HPSE2: variants seen among roughly 807,000 people sequenced by gnomAD.
HPSE2 encodes heparanase 2 (inactive).
Under a neutral mutation model 60.5 loss-of-function variants are expected in HPSE2, and 38 were observed. The ratio of observed to expected loss-of-function variants is 0.63; its 90% confidence interval spans 0.48 to 0.82. The LOEUF (loss-of-function observed/expected upper bound fraction) is 0.82, where lower values mean the gene tolerates loss of function less well. Among genes scored for constraint, HPSE2 ranks in the 40% least tolerant of loss-of-function variants. The pLI is 0.00. For synonymous variants in HPSE2, 295 were observed against 293.2 expected, an observed-to-expected ratio of 1.01 and a Z score of -0.06; for missense variants, 713 against 740.4, an observed-to-expected ratio of 0.96 and a Z score of 0.43.
At chr10:98,569,580 A>G (rs1270486904) in intron 9 of HPSE2, among the ~76,000 whole-genome samples, 1 of 152,060 alleles carries the variant, frequency 6.6e-6, no homozygotes, top group Admixed American at 6.6e-5. Flanking sequence ...CTCCTCCTCA[A>G]GTACTACTGT....
chr10:98,461,642 C>T (rs998202637), intron 11 of HPSE2: 3 of 677,476 alleles, frequency 4.4e-6, no homozygotes, highest in Non-Finnish European at 7.5e-6. Flanking sequence ...CAGTCAAACA[C>T]GAGTTCAATA....
chr10:99,267,805 A>C, the HPSE2 span, among the ~76,000 whole-genome samples: 2 of 151,944 alleles, frequency 1.3e-5, no homozygotes, highest in Admixed American at 6.6e-5. Context: ...AACAAACAAA[A>C]AAAAACACTA....
chr10:98,979,535 C>G (rs12217511), intron 3 of HPSE2, among the ~76,000 whole-genome samples: 19,629 of 152,086 alleles, frequency 0.13, 1,366 homozygotes, highest in South Asian at 0.21. Context: ...TAAAGGAATA[C>G]TGTATTCAGT....
chr10:98,586,291 T>G (rs1393357574), intron 9 of HPSE2, among the ~76,000 whole-genome samples: 2 of 152,144 alleles, frequency 1.3e-5, no homozygotes, highest in African/African-American at 4.8e-5. Flanking sequence ...TTTTCTATCC[T>G]TGGAGTGCTC....
In HPSE2 at chr10:98,699,139, T is replaced by G. The variant is rs1234080473; in HGVS notation, c.957-5192A>C. 4.6e-5 allele frequency among the ~76,000 whole-genome samples: 7 copies of G among 152,100 alleles called. No homozygotes were observed. The South Asian group carries it at 6.2e-4, about 14-fold the overall frequency. ...AGAGGGAATCCTCCCTAACTCATTT[T>G]ATGAGGCCAGCATCATCCTGATACC... is the stretch of plus-strand genomic sequence containing the variant. On this transcript the variant is annotated intron_variant, in intron 5 of 11. Coordinates refer to ENST00000370552, the MANE Select transcript of HPSE2 (RefSeq NM_021828.5).
At chr10:98,757,580 C>T (rs1459760982) in intron 3 of HPSE2, among the ~76,000 whole-genome samples, 2 of 151,988 alleles carry the variant, frequency 1.3e-5, no homozygotes, top group African/African-American at 4.8e-5. Flanking sequence ...ATTCCATTCA[C>T]CATAGCCATA....
At chr10:98,545,700 T>C (rs1045760348) in intron 9 of HPSE2, among the ~76,000 whole-genome samples, 5 of 152,018 alleles carry the variant, frequency 3.3e-5, no homozygotes, top group Admixed American at 1.3e-4. Context: ...AATATCATAC[T>C]GAATGGGCAA....
intron 3 of HPSE2, among the ~76,000 whole-genome samples, chr10:98,748,173 G>A (rs910769015): frequency 6.6e-6 from 1 of 152,098 alleles, no homozygotes; most frequent in African/African-American, 2.4e-5. Flanking sequence ...GGTGGCACAT[G>A]CCTGTAATCC....
chr10:98,572,593 C>T (rs563428074), intron 9 of HPSE2, among the ~76,000 whole-genome samples: 2 of 152,344 alleles, frequency 1.3e-5, no homozygotes, highest in East Asian at 3.9e-4. Flanking sequence ...TCCCATCTCT[C>T]CACTTTTCTG....
At chr10:98,537,439 A>G (rs1040923198) in intron 9 of HPSE2, among the ~76,000 whole-genome samples, 3 of 152,250 alleles carry the variant, frequency 2.0e-5, no homozygotes, top group African/African-American at 7.2e-5. Flanking sequence ...AATAGTCATA[A>G]TACAAATTAG....
At chr10:99,115,154 T>TA (rs1844632032) in intron 3 of HPSE2, among the ~76,000 whole-genome samples, 2 of 101,312 alleles carry the variant, frequency 2.0e-5, no homozygotes, top group Non-Finnish European at 4.8e-5. Flanking sequence ...CAGCTAAATG[T>TA]GTTTTTTTTT....
chr10:98,885,867 G>C (rs1443418405), intron 3 of HPSE2, among the ~76,000 whole-genome samples: 1 of 151,926 alleles, frequency 6.6e-6, no homozygotes, highest in Non-Finnish European at 1.5e-5. Flanking sequence ...GTATCTCTGA[G>C]GCAGGTCTCC....
the HPSE2 span, among the ~76,000 whole-genome samples, chr10:99,275,972 A>G: frequency 6.6e-6 from 1 of 152,210 alleles, no homozygotes; most frequent in East Asian, 1.9e-4. Context: ...ACATCGTATC[A>G]TGGACATAGA....
At chr10:98,567,819 G>A (rs917519381) in intron 9 of HPSE2, among the ~76,000 whole-genome samples, 6 of 152,074 alleles carry the variant, frequency 3.9e-5, no homozygotes, top group African/African-American at 7.2e-5. Context: ...TCTGACTGGA[G>A]ACAGTAATAA....
chr10:99,267,435 GA>G, the HPSE2 span, among the ~76,000 whole-genome samples: 3 of 151,908 alleles, frequency 2.0e-5, no homozygotes, highest in South Asian at 6.3e-4. Flanking sequence ...CAAACACAAA[GA>G]AAAAAAATTT....
chr10:98,885,442 G>A (rs955910901), intron 3 of HPSE2, among the ~76,000 whole-genome samples: 1 of 152,094 alleles, frequency 6.6e-6, no homozygotes, highest in African/African-American at 2.4e-5. Flanking sequence ...ATTCTACTGT[G>A]GGTAAAATGC....
chr10:98,663,844 C>T (rs1416742133), intron 6 of HPSE2, among the ~76,000 whole-genome samples: 1 of 152,188 alleles, frequency 6.6e-6, no homozygotes, highest in Non-Finnish European at 1.5e-5. Context: ...GTAGTGGTCA[C>T]AGTCATGGTG....
At chr10:98,992,932 G>T (rs1341877504) in intron 3 of HPSE2, among the ~76,000 whole-genome samples, 1 of 152,294 alleles carries the variant, frequency 6.6e-6, no homozygotes, top group Non-Finnish European at 1.5e-5. Flanking sequence ...TCACAATGGG[G>T]ATAATAGTTA....
chr10:98,525,770 A>G (rs1942948084), intron 9 of HPSE2, among the ~76,000 whole-genome samples: 1 of 152,190 alleles, frequency 6.6e-6, no homozygotes, highest in Non-Finnish European at 1.5e-5. Context: ...GAGGGCTGAG[A>G]CTGGCAGAAA....
Sources: gnomAD v4.1 joint callset for allele counts (sites outside exome capture counted in the v4.1 genomes callset) on GRCh38, gnomAD v4.1.1 for gene constraint, MANE v1.5 for transcripts, NCBI Gene and HGNC (gene_info 2026-07-23, HGNC 2026-07-21) for gene names.